The following PDGFC variants were observed in gnomAD, a reference collection of about 807,000 sequenced individuals.
PDGFC encodes platelet derived growth factor C.
In PDGFC, 12 loss-of-function variants were observed where a neutral mutation model predicts 35.5. That is an observed-to-expected ratio of 0.34 (90% CI 0.22 to 0.55). The LOEUF (loss-of-function observed/expected upper bound fraction) is 0.55, where lower values mean the gene tolerates loss of function less well. PDGFC is among the 20% of genes least tolerant of loss of function. PDGFC has a pLI of 0.91. For synonymous variants in PDGFC, 159 were observed against 148.8 expected, an observed-to-expected ratio of 1.07 and a Z score of -0.50; for missense variants, 322 against 412.4, an observed-to-expected ratio of 0.78 and a Z score of 1.90.
At chr4:156,950,269 C>T (rs894814112) in intron 1 of PDGFC, among the ~76,000 whole-genome samples, 1 of 151,844 alleles carries the variant, frequency 6.6e-6, no homozygotes, top group Admixed American at 6.6e-5. Context: ...GAAAGTGACC[C>T]TTAGCACAGA....
At chr4:156,822,928 T>G (rs969379070) in intron 2 of PDGFC, among the ~76,000 whole-genome samples, 10 of 151,910 alleles carry the variant, frequency 6.6e-5, no homozygotes, top group African/African-American at 2.4e-4. Flanking sequence ...GAGATGGGGT[T>G]TCTCCGTGTT....
At chr4:156,941,168 A>T (rs1731795423) in intron 1 of PDGFC, among the ~76,000 whole-genome samples, 1 of 152,164 alleles carries the variant, frequency 6.6e-6, no homozygotes, top group South Asian at 2.1e-4. Flanking sequence ...AATGAAGACC[A>T]TACTGACGCA....
At chr4:156,898,182 T>C (rs1425966589) in intron 1 of PDGFC, among the ~76,000 whole-genome samples, 1 of 152,092 alleles carries the variant, frequency 6.6e-6, no homozygotes, top group Non-Finnish European at 1.5e-5. Context: ...CCTCTTCCAC[T>C]ATGTGAGGAA....
chr4:156,818,710 G>A (rs975412429), intron 2 of PDGFC, among the ~76,000 whole-genome samples: 1 of 151,900 alleles, frequency 6.6e-6, no homozygotes, highest in Non-Finnish European at 1.5e-5. Context: ...CACTGTGTTA[G>A]CCAGGATGGT....
At chr4:156,893,355 A>G (rs1188177720) in intron 1 of PDGFC, among the ~76,000 whole-genome samples, 2 of 151,052 alleles carry the variant, frequency 1.3e-5, no homozygotes, top group Non-Finnish European at 2.9e-5. Flanking sequence ...TTTTTTTAAG[A>G]CAGGGTCTTG....
At chr4:156,841,502 G>GTTT (rs563021439) in intron 2 of PDGFC, 11 of 139,164 alleles carry the variant, frequency 7.9e-5, no homozygotes, top group African/African-American at 1.6e-4. Context: ...GTCTCAGGCA[G>GTTT]TTTTTTTTTT....
chr4:156,877,052 TA>T (rs1236653763), intron 1 of PDGFC, among the ~76,000 whole-genome samples: 2 of 152,108 alleles, frequency 1.3e-5, no homozygotes, highest in African/African-American at 4.8e-5. Context: ...TCAACACCAC[TA>T]AATGATATAG....
chr4:156,886,738 T>C (rs1730385852), intron 1 of PDGFC: 1 of 152,198 alleles, frequency 6.6e-6, no homozygotes, highest in Non-Finnish European at 1.5e-5. Flanking sequence ...GAAATGGTTG[T>C]GGAGAAGCTT....
intron 3 of PDGFC, among the ~76,000 whole-genome samples, chr4:156,797,057 G>A (rs1731462717): frequency 6.6e-6 from 1 of 151,878 alleles, no homozygotes; most frequent in Admixed American, 6.6e-5. Context: ...CTAACACGGT[G>A]AAACCCCATC....
intron 1 of PDGFC, among the ~76,000 whole-genome samples, chr4:156,937,664 G>A (rs2110897119): frequency 6.6e-6 from 1 of 152,236 alleles, no homozygotes; most frequent in South Asian, 2.1e-4. Flanking sequence ...TCGTGCTACT[G>A]CAACCTAACC....
At position 156,819,218 on chromosome 4, in the gene PDGFC, A is replaced by G. The variant is rs1230092397; in HGVS notation, c.315-8201T>C. ...CTGCAGCAGGTTATCCAGAAGATCA[A>G]CTAAGATAATTGATAAAGGTGGATA... On this transcript the variant is annotated intron_variant, in intron 2 of 5. Transcript: ENST00000502773. Among the ~76,000 whole-genome samples the G allele has an allele frequency of 2.0e-5, 3 of 152,164 alleles. No homozygotes were observed. The East Asian group carries it at 5.8e-4, about 29-fold the overall frequency.
intron 1 of PDGFC, among the ~76,000 whole-genome samples, chr4:156,961,163 T>C (rs1732334444): frequency 6.6e-6 from 1 of 152,138 alleles, no homozygotes; most frequent in Non-Finnish European, 1.5e-5. Context: ...TCAATTTGCA[T>C]TTCTAATCAC....
chr4:156,937,945 C>A (rs1731721919), intron 1 of PDGFC, among the ~76,000 whole-genome samples: 2 of 151,914 alleles, frequency 1.3e-5, no homozygotes, highest in Admixed American at 6.6e-5. Context: ...ACTAAAAATT[C>A]TTCTCAATTT....
intron 1 of PDGFC, among the ~76,000 whole-genome samples, chr4:156,884,815 T>C (rs1730335608): frequency 6.6e-6 from 1 of 152,176 alleles, no homozygotes; most frequent in Non-Finnish European, 1.5e-5. Context: ...AGCATTTCAT[T>C]GAACATGCAA....
At chr4:156,791,486 A>G (rs1262495310) in intron 3 of PDGFC, among the ~76,000 whole-genome samples, 1 of 152,042 alleles carries the variant, frequency 6.6e-6, no homozygotes, top group Non-Finnish European at 1.5e-5. Flanking sequence ...ATATAGTAAC[A>G]ACAGCTTTAG....
chr4:156,879,027 A>T (rs960400813), intron 1 of PDGFC, among the ~76,000 whole-genome samples: 7 of 152,200 alleles, frequency 4.6e-5, no homozygotes, highest in Non-Finnish European at 8.8e-5. Context: ...TAATTTATGT[A>T]ACTTCTCTGT....
At chr4:156,968,339 T>C (rs1216187442) in intron 1 of PDGFC, among the ~76,000 whole-genome samples, 2 of 152,120 alleles carry the variant, frequency 1.3e-5, no homozygotes, top group Non-Finnish European at 2.9e-5. Context: ...AACGATGCAA[T>C]GCACAAACTG....
intron 2 of PDGFC, among the ~76,000 whole-genome samples, chr4:156,848,767 T>G (rs1248703970): frequency 6.6e-6 from 1 of 151,854 alleles, no homozygotes; most frequent in African/African-American, 2.4e-5. Flanking sequence ...AGTAACAAAA[T>G]TTAGGACAAT....
chr4:156,766,208 T>C (rs1730522966), intron 5 of PDGFC, among the ~76,000 whole-genome samples: 1 of 152,130 alleles, frequency 6.6e-6, no homozygotes, highest in Admixed American at 6.6e-5. Flanking sequence ...GCACTGAGGA[T>C]GAATTAGTCA....
Sources: gnomAD v4.1 joint callset for allele counts (sites outside exome capture counted in the v4.1 genomes callset) on GRCh38, gnomAD v4.1.1 for gene constraint, MANE v1.5 for transcripts, NCBI Gene and HGNC (gene_info 2026-07-23, HGNC 2026-07-21) for gene names.